LDAH: variants seen among roughly 807,000 people sequenced by gnomAD.
The protein encoded by LDAH is lipid droplet-associated hydrolase.
Under a neutral mutation model 29.6 loss-of-function variants are expected in LDAH, and 26 were observed. That is an observed-to-expected ratio of 0.88 (90% CI 0.64 to 1.22). The LOEUF (loss-of-function observed/expected upper bound fraction) is 1.22, where lower values mean the gene tolerates loss of function less well. Among genes scored for constraint, LDAH ranks in the 50% most tolerant of loss-of-function variants. LDAH has a pLI of 0.00. For synonymous variants in LDAH, 117 were observed against 133.0 expected, an observed-to-expected ratio of 0.88 and a Z score of 0.83; for missense variants, 344 against 387.3, an observed-to-expected ratio of 0.89 and a Z score of 0.94.
chr2:20,724,495 C>T (rs1441600917), intron 5 of LDAH, among the ~76,000 whole-genome samples: 1 of 152,170 alleles, frequency 6.6e-6, no homozygotes, highest in Non-Finnish European at 1.5e-5. Flanking sequence ...GAGAAGGTTA[C>T]TCAGCTAGTG....
chr2:20,822,363 T>C (rs987410378), intron 1 of LDAH, among the ~76,000 whole-genome samples: 13 of 152,118 alleles, frequency 8.5e-5, no homozygotes, highest in African/African-American at 2.7e-4. Context: ...CAGGATGGTC[T>C]CGATCTCCTG....
intron 4 of LDAH, among the ~76,000 whole-genome samples, chr2:20,769,175 T>A (rs571931718): frequency 2.0e-5 from 3 of 152,270 alleles, no homozygotes; most frequent in Non-Finnish European, 2.9e-5. Flanking sequence ...CAGTACCCCC[T>A]AGCCACCATA....
At chr2:20,817,037 A>T (rs750944266) in intron 1 of LDAH, among the ~76,000 whole-genome samples, 1 of 152,082 alleles carries the variant, frequency 6.6e-6, no homozygotes, top group Admixed American at 6.6e-5. Flanking sequence ...AATACAAGAC[A>T]GCAAAATTTG....
At position 20,797,844 on chromosome 2, in the gene LDAH, A is replaced by T. The variant is rs185930747; in HGVS notation, c.154+3466T>A. Reference sequence around the variant, plus strand: ...AGACTACAAAAAAGAAAAGAAAAACAAAGCGCTATTAGAATGAAATGAGTT... The same window carrying T: ...AGACTACAAAAAAGAAAAGAAAAACTAAGCGCTATTAGAATGAAATGAGTT... On this transcript the variant is annotated intron_variant, in intron 2 of 6. Transcript: ENST00000237822. 3.8e-3 allele frequency among the ~76,000 whole-genome samples: 550 copies of T among 144,460 alleles called. 3 individuals are homozygous for T. The highest frequency in any genetic ancestry group is 5.8e-3 in the Non-Finnish European group (397 of 68,004). The allele number at this position is 144,460 out of a possible 152,430, so 94.8% of individuals were successfully genotyped here. A position where few individuals can be genotyped will look rare whatever the true frequency, so the allele number is the denominator to read the frequency against.
chr2:20,787,785 A>C (rs1670657420), intron 3 of LDAH, among the ~76,000 whole-genome samples: 2 of 152,244 alleles, frequency 1.3e-5, no homozygotes, highest in African/African-American at 4.8e-5. Context: ...TACCCTGAAA[A>C]TCTAAATGTA....
chr2:20,795,910 C>A (rs562839437), intron 2 of LDAH, among the ~76,000 whole-genome samples: 3 of 150,306 alleles, frequency 2.0e-5, no homozygotes, highest in Middle Eastern at 3.2e-3. Flanking sequence ...CTGATTATTA[C>A]CACAGTGTAA....
chr2:20,794,611 T>C (rs530086344), intron 2 of LDAH, among the ~76,000 whole-genome samples: 2 of 152,156 alleles, frequency 1.3e-5, no homozygotes, highest in East Asian at 3.9e-4. Flanking sequence ...ATTAACATCA[T>C]CCACCACATT....
At chr2:20,801,621 G>A (rs1413426170) in intron 1 of LDAH, among the ~76,000 whole-genome samples, 156 bp from the exon 2 acceptor site, 2 of 152,062 alleles carry the variant, frequency 1.3e-5, no homozygotes, top group Non-Finnish European at 2.9e-5. Context: ...CAGTGATGCT[G>A]GATTATACGA....
At chr2:20,766,501 A>T (rs1265219741) in intron 4 of LDAH, among the ~76,000 whole-genome samples, 1 of 152,188 alleles carries the variant, frequency 6.6e-6, no homozygotes, top group African/African-American at 2.4e-5. Flanking sequence ...TTGCATAGAG[A>T]GATCTTCATA....
intron 6 of LDAH, among the ~76,000 whole-genome samples, chr2:20,688,645 T>C (rs1022475070): frequency 6.6e-6 from 1 of 152,130 alleles, no homozygotes; most frequent in Non-Finnish European, 1.5e-5. Flanking sequence ...ATGGGACAGA[T>C]GAGACTGATC....
At chr2:20,704,357 C>T (rs1664162462) in intron 5 of LDAH, among the ~76,000 whole-genome samples, 1 of 152,150 alleles carries the variant, frequency 6.6e-6, no homozygotes, top group Non-Finnish European at 1.5e-5. Flanking sequence ...GTCCCGGTTC[C>T]AAAATCAGAA....
intron 1 of LDAH, among the ~76,000 whole-genome samples, chr2:20,821,875 G>T (rs1335430568): frequency 6.6e-6 from 1 of 152,124 alleles, no homozygotes; most frequent in Non-Finnish European, 1.5e-5. Flanking sequence ...CCACTGTGTT[G>T]CCCTGATTAT....
chr2:20,808,118 A>T (rs1672203675), intron 1 of LDAH, among the ~76,000 whole-genome samples: 2 of 152,158 alleles, frequency 1.3e-5, no homozygotes, highest in South Asian at 4.1e-4. Context: ...ACTTAGGAAT[A>T]AATCTAACAA....
intron 6 of LDAH, among the ~76,000 whole-genome samples, chr2:20,687,466 T>G (rs13027716): frequency 0.022 from 3,350 of 152,352 alleles, 38 homozygotes; most frequent in Non-Finnish European, 0.029. Context: ...AGTGACCAGT[T>G]AATAAACTTA....
intron 1 of LDAH, among the ~76,000 whole-genome samples, chr2:20,810,193 C>A (rs1323262289): frequency 6.6e-6 from 1 of 152,166 alleles, no homozygotes; most frequent in African/African-American, 2.4e-5. Flanking sequence ...CAGGAGTCAT[C>A]TGGAAGTATC....
chr2:20,744,501 T>C (rs2124856497), intron 4 of LDAH, among the ~76,000 whole-genome samples: 1 of 152,234 alleles, frequency 6.6e-6, no homozygotes, highest in East Asian at 1.9e-4. Flanking sequence ...GAGTTTAGTA[T>C]TTCCCTTCTC....
At chr2:20,701,702 A>G (rs1558390324) in intron 5 of LDAH, 50 bp from the exon 6 acceptor site, 5 of 1,474,488 alleles carry the variant, frequency 3.4e-6, no homozygotes, top group Non-Finnish European at 4.7e-6. Context: ...TAGAACAAAC[A>G]CAAATTTCAA....
intron 5 of LDAH, among the ~76,000 whole-genome samples, chr2:20,706,749 A>C (rs922189468): frequency 6.6e-6 from 1 of 152,112 alleles, no homozygotes; most frequent in African/African-American, 2.4e-5. Flanking sequence ...AAAGTTTTCA[A>C]GACACTGGAT....
At chr2:20,802,712 C>T (rs1671790703) in intron 1 of LDAH, among the ~76,000 whole-genome samples, 1 of 152,190 alleles carries the variant, frequency 6.6e-6, no homozygotes, top group Non-Finnish European at 1.5e-5. Flanking sequence ...TCCCTAGTGC[C>T]CCTACGCTTT....
Sources: allele counts gnomAD v4.1 joint callset (sites outside exome capture counted in the v4.1 genomes callset), GRCh38; gene constraint gnomAD v4.1.1; transcripts MANE v1.5; gene names NCBI Gene and HGNC (gene_info 2026-07-23, HGNC 2026-07-21).